ZNF559: variants seen among roughly 807,000 people sequenced by gnomAD.
ZNF559 encodes zinc finger protein 559.
Under a neutral mutation model 14.2 loss-of-function variants are expected in ZNF559, and 17 were observed. That is an observed-to-expected ratio of 1.20 (90% CI 0.82 to 1.80). ZNF559 has a LOEUF of 1.80. ZNF559 is among the 40% of genes most tolerant of loss of function. The probability of loss-of-function intolerance (pLI) is 0.00; values close to 1 mark genes in which losing one functional copy is unlikely to be tolerated. For synonymous variants in ZNF559, 244 were observed against 212.4 expected, an observed-to-expected ratio of 1.15 and a Z score of -1.29; for missense variants, 740 against 629.7, an observed-to-expected ratio of 1.18 and a Z score of -1.88.
chr19:9,336,547 A>T, intron 2 of ZNF559, among the ~76,000 whole-genome samples: 1 of 151,946 alleles, frequency 6.6e-6, no homozygotes, highest in East Asian at 1.9e-4. Flanking sequence ...GTGAGCCAAG[A>T]TCGCGCCACT....
Position 9,344,901 on chromosome 19 carries a change from C to CT in ZNF559, c.*1836dup, listed in dbSNP as rs1417974655. On this transcript the variant is annotated 3_prime_UTR_variant, in exon 7 of 7. Coordinates refer to ENST00000603380, the MANE Select transcript of ZNF559 (RefSeq NM_032497.3). ...AAACTGCACATGTTTTTAGCATACA[C>CT]TTTAAGTTTGGACACATACACATAT... 6 of 152,168 alleles carry CT rather than the reference C, an allele frequency of 3.9e-5. No individual in the cohort carries two copies. The highest frequency in any genetic ancestry group is 8.8e-5 in the Non-Finnish European group (6 of 68,034). The allele number at this position is 152,168 out of a possible 1,614,324, so 9.4% of individuals were successfully genotyped here.
chr19:9,339,220 G>A lies in ZNF559; in HGVS notation c.61G>A (p.Val21Met), dbSNP rs1411268031. ...CTCAGTGACCTTTGAGGATGTGGCT[G>A]TGGACTTCACCCAGGAGGAGTGGAC... ...QDSVTFEDVA[V>M]DFTQEEWTLL... Residue 21 changes from valine (V) to methionine (M), a missense_variant, in exon 5 of 7, where the codon GTG (valine) becomes ATG (methionine). Physicochemically the swap from Val to Met is conservative, Grantham distance 21. Coordinates refer to ENST00000603380, the MANE Select transcript of ZNF559 (RefSeq NM_032497.3). The A allele has an allele frequency of 6.2e-7, 1 of 1,613,962 alleles. No individual in the cohort carries two copies. Among genetic ancestry groups the A allele is most frequent in the East Asian group, 2.2e-5 (1 of 44,858 alleles).
upstream of ZNF559, chr19:9,323,851 G>A (rs1023600646): frequency 5.5e-6 from 2 of 362,832 alleles, no homozygotes. Context: ...CTGTTTCGGA[G>A]CCCTTGAGCT....
chr19:9,342,308 AAC>A lies in ZNF559; in HGVS notation c.859_860del (p.His287TyrfsTer4). 6.3e-7 allele frequency: 1 copy of A among 1,592,828 alleles called. No homozygotes were observed. The highest frequency in any genetic ancestry group is 1.1e-5 in the South Asian group (1 of 87,110). On this transcript the variant is annotated frameshift_variant, in exon 7 of 7. Coordinates refer to ENST00000603380, the MANE Select transcript of ZNF559 (RefSeq NM_032497.3). LOFTEE classifies it low-confidence loss of function (END_TRUNC). ...TTTGCTTTTTCCCCAGATCTTGCTA[AAC>A]ATATAAGACTTAGAACTAGAGGAAA... is the stretch of plus-strand genomic sequence containing the variant.
At chr19:9,327,094 G>C (rs923348665) in intron 2 of ZNF559, among the ~76,000 whole-genome samples, 1 of 152,096 alleles carries the variant, frequency 6.6e-6, no homozygotes, top group Non-Finnish European at 1.5e-5. Flanking sequence ...AAGTTTGTTA[G>C]TGATACTACG....
Position 9,343,793 on chromosome 19 carries a change from A to G in ZNF559, c.*725A>G. On this transcript the variant is annotated 3_prime_UTR_variant, in exon 7 of 7. Coordinates refer to ENST00000603380, the MANE Select transcript of ZNF559 (RefSeq NM_032497.3). ...ATATCAGAATGCTTTTGGTAAATAT[A>G]CATGTTTTAAAGAGGTTATATATCA... The G allele has an allele frequency of 6.1e-6, 6 of 985,566 alleles. No homozygotes were observed. The highest frequency in any genetic ancestry group is 7.2e-6 in the Non-Finnish European group (6 of 830,026). The allele number at this position is 985,566 out of a possible 1,614,324, so 61.1% of individuals were successfully genotyped here.
Position 9,342,511 on chromosome 19 carries a change from GAAT to G in ZNF559, c.1061_1063del (p.Glu354_Cys355delinsGly), listed in dbSNP as rs1568369126. 1.9e-6 allele frequency: 3 copies of G among 1,614,136 alleles called. No homozygotes were observed. The highest frequency in any genetic ancestry group is 2.5e-6 in the Non-Finnish European group (3 of 1,180,030). ...AACTCACACTGGAGAAAAGCCTTATGAATGTAAGGAATGTGGGAAAGCTTTTGC... is the reference window on the plus strand; with the variant it reads ...AACTCACACTGGAGAAAAGCCTTATGGTAAGGAATGTGGGAAAGCTTTTGC... On this transcript the variant is annotated inframe_deletion, in exon 7 of 7. Coordinates refer to ENST00000603380, the MANE Select transcript of ZNF559 (RefSeq NM_032497.3).
At chr19:9,335,508 A>G (rs760466240) in intron 2 of ZNF559, among the ~76,000 whole-genome samples, 18 of 152,100 alleles carry the variant, frequency 1.2e-4, no homozygotes, top group Admixed American at 4.6e-4. Context: ...CTTTTGCACA[A>G]TGTGTGATTC....
At chr19:9,327,595 G>GTTT (rs1397963623) in intron 2 of ZNF559, among the ~76,000 whole-genome samples, 2 of 152,112 alleles carry the variant, frequency 1.3e-5, no homozygotes, top group African/African-American at 4.8e-5. Context: ...TCCTGAACCT[G>GTTT]TTTTTACATT....
At chr19:9,341,580 G>C in intron 6 of ZNF559, 115 bp from the exon 7 acceptor site, 2 of 1,554,556 alleles carry the variant, frequency 1.3e-6, no homozygotes, top group Non-Finnish European at 1.7e-6. Context: ...GGAACAAACA[G>C]TTTCAATTAT....
intron 1 of ZNF559, 72 bp from the exon 2 acceptor site, chr19:9,324,623 C>CCA (rs1249053971): frequency 1.0e-6 from 1 of 1,001,516 alleles, no homozygotes; most frequent in African/African-American, 2.4e-5. Flanking sequence ...GGGAGACCCC[C>CCA]CCCCCCAACC....
upstream of ZNF559, chr19:9,324,145 C>T (rs761262952): frequency 5.9e-6 from 9 of 1,535,620 alleles, no homozygotes; most frequent in South Asian, 3.6e-5. Flanking sequence ...GTGGTCCTAG[C>T]CTTTGCGCGT....
intron 2 of ZNF559, among the ~76,000 whole-genome samples, chr19:9,335,391 C>G (rs2067181079): frequency 6.6e-6 from 1 of 152,046 alleles, no homozygotes; most frequent in African/African-American, 2.4e-5. Context: ...TGCTTGAGCC[C>G]AGGAGTTCAA....
rs1015464207 is a variant in ZNF559, at chr19:9,343,204, C to G, written c.*136C>G. ...CCTTCCTTGGTGTCTCAGATCTTAA[C>G]AATTCCAATAGAAGAGAAGACATAT... On this transcript the variant is annotated 3_prime_UTR_variant, in exon 7 of 7. Coordinates refer to ENST00000603380, the MANE Select transcript of ZNF559 (RefSeq NM_032497.3). The G allele has an allele frequency of 1.6e-5, 24 of 1,474,032 alleles. No individual in the cohort carries two copies. Among genetic ancestry groups the G allele is most frequent in the Non-Finnish European group, 1.8e-5 (20 of 1,120,240 alleles). 91.3% of individuals were successfully genotyped at this position (1,474,032 alleles called of 1,614,324 possible).
In ZNF559 at chr19:9,344,960, C is replaced by G. The variant is rs1414183529; in HGVS notation, c.*1892C>G. On this transcript the variant is annotated 3_prime_UTR_variant, in exon 7 of 7. Coordinates refer to ENST00000603380, the MANE Select transcript of ZNF559 (RefSeq NM_032497.3). ...ACACACCATCAAGATAATGAACATACCTATCAAACCAGATGGTTTCCTCAT... is the reference window on the plus strand; with the variant it reads ...ACACACCATCAAGATAATGAACATAGCTATCAAACCAGATGGTTTCCTCAT... 2 of 152,192 alleles carry G rather than the reference C, an allele frequency of 1.3e-5. No individual in the cohort carries two copies. Among genetic ancestry groups the G allele is most frequent in the African/African-American group, 4.8e-5 (2 of 41,436 alleles). The allele number at this position is 152,192 out of a possible 1,614,324, so 9.4% of individuals were successfully genotyped here. A position where few individuals can be genotyped will look rare whatever the true frequency, so the allele number is the denominator to read the frequency against.
intron 1 of ZNF559, 132 bp downstream of exon 1, chr19:9,324,360 T>C (rs901998178): frequency 6.6e-7 from 1 of 1,508,080 alleles, no homozygotes. Context: ...GAGCATCTTG[T>C]GGGCTCTCCC....
At chr19:9,339,057 A>G (rs2067396745) in intron 4 of ZNF559, 136 bp from the exon 5 acceptor site, 3 of 1,170,400 alleles carry the variant, frequency 2.6e-6, no homozygotes, top group Non-Finnish European at 3.7e-6. Context: ...CAGACAGGGG[A>G]GAAGAAAGTG....
At chr19:9,338,228 C>T (rs1599337038) in intron 3 of ZNF559, among the ~76,000 whole-genome samples, 1 of 152,202 alleles carries the variant, frequency 6.6e-6, no homozygotes, top group South Asian at 2.1e-4. Context: ...TGCTTAATCA[C>T]ATGATCAGTT....
At position 9,337,590 on chromosome 19, in the gene ZNF559, A is replaced by G. The variant is rs1481472742; in HGVS notation, c.-119-206A>G. The G allele has an allele frequency of 1.3e-5, 3 of 235,038 alleles. No individual in the cohort carries two copies. The East Asian group carries it at 3.1e-4, about 25-fold the overall frequency. The allele number at this position is 235,038 out of a possible 1,614,324, so 14.6% of individuals were successfully genotyped here. A position where few individuals can be genotyped will look rare whatever the true frequency, so the allele number is the denominator to read the frequency against. On this transcript the variant is annotated intron_variant, in intron 2 of 6. Coordinates refer to ENST00000603380, the MANE Select transcript of ZNF559 (RefSeq NM_032497.3). ...ATTCATATCCTGGCTCACACTTTCT[A>G]ATTGGTGATGTTGGGTTAATTAGTG...
Sources: gnomAD v4.1 joint callset for allele counts (sites outside exome capture counted in the v4.1 genomes callset) on GRCh38, gnomAD v4.1.1 for gene constraint, MANE v1.5 for transcripts, NCBI Gene and HGNC (gene_info 2026-07-23, HGNC 2026-07-21) for gene names.